The following WWOX variants were observed in gnomAD, a reference collection of about 807,000 sequenced individuals.
WWOX encodes the protein WW domain containing oxidoreductase.
In WWOX, 69 loss-of-function variants were observed where a neutral mutation model predicts 46.2. That is an observed-to-expected ratio of 1.49 (90% CI 1.23 to 1.82). The LOEUF (loss-of-function observed/expected upper bound fraction) is 1.82. Among genes scored for constraint, WWOX ranks in the 40% most tolerant of loss-of-function variants. WWOX has a pLI of 0.00. For missense variants in WWOX, 919 were observed against 542.6 expected, an observed-to-expected ratio of 1.69 and a Z score of -6.89; for synonymous variants, 359 against 202.6, an observed-to-expected ratio of 1.77 and a Z score of -6.56.
chr16:78,779,473 A>C (rs556312824), intron 8 of WWOX, among the ~76,000 whole-genome samples: 9 of 152,320 alleles, frequency 5.9e-5, no homozygotes, highest in Non-Finnish European at 8.8e-5. Context: ...ATTAAGGCTC[A>C]GAAAAGAGTG....
intron 8 of WWOX, among the ~76,000 whole-genome samples, chr16:78,789,286 A>C (rs2050534738): frequency 6.6e-6 from 1 of 152,166 alleles, no homozygotes; most frequent in Non-Finnish European, 1.5e-5. Context: ...TTTAGCACTT[A>C]TGTTAAGACT....
Position 78,229,075 on chromosome 16 carries a change from G to A in WWOX, c.516+64786G>A, listed in dbSNP as rs554445826. On this transcript the variant is annotated intron_variant, in intron 5 of 8. Coordinates refer to ENST00000566780, the MANE Select transcript of WWOX (RefSeq NM_016373.4). ...TGACCTCATAATACCAGCATGTCCC[G>A]TTTGTATAACCCTCTCTGTAGCTTC... Among the ~76,000 whole-genome samples the A allele has an allele frequency of 1.4e-4, 21 of 152,084 alleles. No homozygotes were observed. The South Asian group carries it at 3.3e-3, about 24-fold the overall frequency.
intron 8 of WWOX, among the ~76,000 whole-genome samples, chr16:78,995,976 G>C (rs2046980544): frequency 6.6e-6 from 1 of 152,150 alleles, no homozygotes; most frequent in South Asian, 2.1e-4. Context: ...CAGGGAAGTA[G>C]AGGCCAGCTT....
chr16:79,006,428 G>A (rs1033869436), intron 8 of WWOX, among the ~76,000 whole-genome samples: 10 of 152,090 alleles, frequency 6.6e-5, no homozygotes, highest in African/African-American at 2.2e-4. Flanking sequence ...GGCATCAGGT[G>A]CCAGGTTAGA....
chr16:78,387,404 A>G (rs2082082327), intron 6 of WWOX, among the ~76,000 whole-genome samples: 1 of 152,186 alleles, frequency 6.6e-6, no homozygotes, highest in African/African-American at 2.4e-5. Flanking sequence ...GATGTGGTAC[A>G]TGGATGTGGT....
intron 6 of WWOX, among the ~76,000 whole-genome samples, chr16:78,406,626 ATTTTTT>A (rs545938474): frequency 3.9e-5 from 5 of 129,406 alleles, no homozygotes; most frequent in African/African-American, 1.4e-4. Flanking sequence ...TGGGATATAC[ATTTTTT>A]TTTTTTTTTT....
At chr16:78,795,825 A>G (rs1363308329) in intron 8 of WWOX, among the ~76,000 whole-genome samples, 1 of 152,162 alleles carries the variant, frequency 6.6e-6, no homozygotes, top group Non-Finnish European at 1.5e-5. Flanking sequence ...TAAAGTATCT[A>G]GTAGAGTGGC....
intron 8 of WWOX, among the ~76,000 whole-genome samples, chr16:78,810,604 T>G (rs2051163265): frequency 6.6e-6 from 1 of 152,252 alleles, no homozygotes; most frequent in Admixed American, 6.5e-5. Context: ...TCTGCAGTGC[T>G]GGAGTATTTT....
At chr16:78,716,160 C>T (rs2048555617) in intron 8 of WWOX, among the ~76,000 whole-genome samples, 1 of 151,930 alleles carries the variant, frequency 6.6e-6, no homozygotes, top group African/African-American at 2.4e-5. Context: ...GGCACAGAGA[C>T]AGAGGCAGAG....
intron 8 of WWOX, among the ~76,000 whole-genome samples, chr16:79,045,780 C>CTTTTTTTTTTTTTTTTTTTTTTTTTTT (rs770463813): frequency 1.8e-5 from 1 of 54,226 alleles, no homozygotes; most frequent in Non-Finnish European, 3.9e-5. Context: ...TTTTCTTTTC[C>CTTTTTTTTTTTTTTTTTTTTTTTTTTT]TTTTTTTTTT....
At chr16:78,863,652 C>T (rs2043941249) in intron 8 of WWOX, among the ~76,000 whole-genome samples, 2 of 152,160 alleles carry the variant, frequency 1.3e-5, no homozygotes, top group Admixed American at 1.3e-4. Flanking sequence ...CTCAGTGTTT[C>T]TGGAGCCCAG....
rs559860947 is a variant in WWOX at position 79,015,136 on chromosome 16, C to T, written c.1057-196472C>T. ...CTACTGTGCATTTGCCTGTGATTTGCCATTGGGTTGGAGTACTTCTCCTGA... is the reference window on the plus strand; with the variant it reads ...CTACTGTGCATTTGCCTGTGATTTGTCATTGGGTTGGAGTACTTCTCCTGA... On this transcript the variant is annotated intron_variant, in intron 8 of 8. Coordinates refer to ENST00000566780, the MANE Select transcript of WWOX (RefSeq NM_016373.4). Among the ~76,000 whole-genome samples, 11 of 152,218 alleles carry T rather than the reference C, an allele frequency of 7.2e-5. 1 individual carries two copies. The East Asian group carries it at 1.4e-3, about 19-fold the overall frequency.
At chr16:78,907,208 T>C (rs905715697) in intron 8 of WWOX, among the ~76,000 whole-genome samples, 1 of 152,150 alleles carries the variant, frequency 6.6e-6, no homozygotes, top group Admixed American at 6.5e-5. Context: ...TGTAAAACCC[T>C]TGTGCCCTGA....
intron 8 of WWOX, among the ~76,000 whole-genome samples, chr16:78,665,719 C>G (rs923527041): frequency 3.3e-5 from 5 of 152,140 alleles, no homozygotes; most frequent in East Asian, 1.9e-4. Context: ...GATACTTGCT[C>G]TGTCGCCCAG....
At chr16:78,598,238 A>C (rs1012101654) in intron 8 of WWOX, among the ~76,000 whole-genome samples, 1 of 152,186 alleles carries the variant, frequency 6.6e-6, no homozygotes, top group African/African-American at 2.4e-5. Context: ...ATATTTCACT[A>C]TCAGAATTTT....
intron 8 of WWOX, among the ~76,000 whole-genome samples, chr16:78,748,822 C>A (rs556840607): frequency 1.3e-3 from 201 of 152,344 alleles, no homozygotes; most frequent in African/African-American, 4.6e-3. Context: ...AGATGCTGCC[C>A]AAATCCTTGT....
At chr16:79,186,535 A>C (rs2051019036) in intron 8 of WWOX, among the ~76,000 whole-genome samples, 1 of 152,226 alleles carries the variant, frequency 6.6e-6, no homozygotes, top group Non-Finnish European at 1.5e-5. Flanking sequence ...ACCCTATTCC[A>C]GTCTGACTGC....
chr16:78,867,185 A>T (rs79509076), intron 8 of WWOX, among the ~76,000 whole-genome samples: 6,642 of 152,140 alleles, frequency 0.044, 190 homozygotes, highest in Non-Finnish European at 0.066. Flanking sequence ...CAAAACTGCA[A>T]CTCATCTTCA....
chr16:78,824,747 T>C (rs977371478), intron 8 of WWOX, among the ~76,000 whole-genome samples: 2 of 152,024 alleles, frequency 1.3e-5, no homozygotes, highest in Non-Finnish European at 2.9e-5. Context: ...CCGGCCCACA[T>C]GATTGAGTTA....
Sources: allele counts gnomAD v4.1 joint callset (sites outside exome capture counted in the v4.1 genomes callset), GRCh38; gene constraint gnomAD v4.1.1; transcripts MANE v1.5; gene names NCBI Gene and HGNC (gene_info 2026-07-23, HGNC 2026-07-21).